The following IL21R variants were observed in gnomAD, a reference collection of about 807,000 sequenced individuals.
The protein encoded by IL21R is interleukin 21 receptor, also known as interleukin-21 receptor.
A neutral mutation model predicts 41.3 loss-of-function variants in IL21R; 14 were observed. The ratio of observed to expected loss-of-function variants is 0.34; its 90% CI spans 0.22 to 0.53. IL21R has a LOEUF of 0.53. Ranked by LOEUF, IL21R falls within the 20% of genes least tolerant of loss-of-function variation. The pLI, the probability that IL21R is intolerant of heterozygous loss-of-function variation, is 0.94. For synonymous variants in IL21R, 286 were observed against 287.6 expected (o/e 0.99, Z 0.05); for missense variants, 588 against 681.6 (o/e 0.86, Z 1.53).
intron 2 of IL21R, among the ~76,000 whole-genome samples, 163 bp from the exon 3 acceptor site, chr16:27,434,184 C>CG (rs397813355): frequency 6.6e-6 from 1 of 152,028 alleles, no homozygotes; most frequent in African/African-American, 2.4e-5. Context: ...GTGAGGCCCC[C>CG]TGGGTGCCAG....
At chr16:27,406,586 A>G (rs569968017) in intron 1 of IL21R, among the ~76,000 whole-genome samples, 17 of 152,152 alleles carry the variant, frequency 1.1e-4, no homozygotes, top group African/African-American at 3.9e-4. Context: ...TGGGGAGGAG[A>G]AGGCCCTTCC....
intron 1 of IL21R, among the ~76,000 whole-genome samples, chr16:27,414,103 G>C (rs1423511896): frequency 1.3e-5 from 2 of 151,052 alleles, no homozygotes; most frequent in Admixed American, 1.3e-4. Context: ...TTTTGTTTTT[G>C]CCCTGACCTC....
chr16:27,430,726 G>C (rs2087156289), intron 2 of IL21R, among the ~76,000 whole-genome samples: 2 of 152,120 alleles, frequency 1.3e-5, no homozygotes. Flanking sequence ...GAGGCGGGAG[G>C]ATTGCTTGAG....
At chr16:27,430,005 G>T in intron 1 of IL21R, 51 bp from the exon 2 acceptor site, 1 of 1,504,410 alleles carries the variant, frequency 6.6e-7, no homozygotes. Flanking sequence ...GGGGGAGGCC[G>T]GGGGAGCCCT....
At chr16:27,410,794 C>T (rs2086811519) in intron 1 of IL21R, among the ~76,000 whole-genome samples, 2 of 152,294 alleles carry the variant, frequency 1.3e-5, no homozygotes, top group South Asian at 4.1e-4. Flanking sequence ...ATGGGTGAAA[C>T]TCTATACCCA....
chr16:27,437,696 C>G lies in IL21R; in HGVS notation c.352+9C>G, dbSNP rs748757913. ...TCTCCTGGCTGAGAGCAGTGAGTAT[C>G]CTGGGACCCCAGGCTTAGGGTGGCA... is the stretch of plus-strand genomic sequence containing the variant. On this transcript the variant is annotated intron_variant, in intron 4 of 8. Transcript: ENST00000337929. 1.2e-6 allele frequency: 2 copies of G among 1,612,014 alleles called. No homozygotes were observed. Among genetic ancestry groups the G allele is most frequent in the South Asian group, 1.1e-5 (1 of 90,942 alleles).
At chr16:27,411,309 A>G (rs1400354726) in intron 1 of IL21R, among the ~76,000 whole-genome samples, 1 of 152,006 alleles carries the variant, frequency 6.6e-6, no homozygotes, top group Non-Finnish European at 1.5e-5. Flanking sequence ...TTTTTATAAT[A>G]ACCATCCTAA....
intron 1 of IL21R, among the ~76,000 whole-genome samples, chr16:27,412,759 T>A (rs1448549855): frequency 1.3e-5 from 2 of 152,168 alleles, no homozygotes; most frequent in Non-Finnish European, 2.9e-5. Flanking sequence ...ATTTTTTGCT[T>A]AAGTTTCTTT....
intron 1 of IL21R, among the ~76,000 whole-genome samples, chr16:27,410,860 C>T (rs2086812612): frequency 1.3e-5 from 2 of 152,194 alleles, no homozygotes; most frequent in African/African-American, 4.8e-5. Context: ...CAGCATTCCA[C>T]TTTCTGTTTC....
chr16:27,437,495 C>G lies in IL21R; in HGVS notation c.160C>G (p.Gln54Glu). The stretch of plus-strand genomic sequence containing the variant: ...GCTGCTTTGTCCTTGAAGGCAAGAC[C>G]AGTATGAAGAGCTGAAGGACGAGGC... ...PSTLTLTWQD[Q>E]YEELKDEATS... The change falls in exon 4 of 9, where the codon CAG becomes GAG. Residue 54 changes from glutamine (Q) to glutamate (E), a missense_variant. Gln to Glu is a conservative substitution (Grantham distance 29). Transcript: ENST00000337929. 6.2e-7 allele frequency: 1 copy of G among 1,613,552 alleles called. No individual in the cohort carries two copies. Among genetic ancestry groups the G allele is most frequent in the Non-Finnish European group, 8.5e-7 (1 of 1,179,966 alleles).
intron 1 of IL21R, among the ~76,000 whole-genome samples, chr16:27,412,885 T>C (rs1163545112): frequency 6.6e-6 from 1 of 152,138 alleles, no homozygotes; most frequent in Non-Finnish European, 1.5e-5. Flanking sequence ...ATATTTAGGG[T>C]TTCCTACATA....
At chr16:27,409,633 C>T (rs1224656269) in intron 1 of IL21R, among the ~76,000 whole-genome samples, 1 of 152,188 alleles carries the variant, frequency 6.6e-6, no homozygotes, top group African/African-American at 2.4e-5. Context: ...TTTCTCTCCA[C>T]TGCCTTGCAC....
intron 4 of IL21R, among the ~76,000 whole-genome samples, chr16:27,441,877 C>T (rs1256741026): frequency 1.3e-5 from 2 of 151,972 alleles, no homozygotes; most frequent in East Asian, 1.9e-4. Context: ...CAAGTGTGGT[C>T]GCATCCACCT....
At chr16:27,425,515 A>G (rs1156458262) in intron 1 of IL21R, among the ~76,000 whole-genome samples, 1 of 151,902 alleles carries the variant, frequency 6.6e-6, no homozygotes, top group Non-Finnish European at 1.5e-5. Flanking sequence ...ATTTGGTGCT[A>G]TCGCATCTTA....
chr16:27,438,849 G>A (rs558483435), intron 4 of IL21R, among the ~76,000 whole-genome samples: 2 of 152,206 alleles, frequency 1.3e-5, no homozygotes, highest in Admixed American at 1.3e-4. Flanking sequence ...CAGCCTGGGC[G>A]TCAGAGTGAG....
At chr16:27,444,950 C>T (rs2087452266) in intron 6 of IL21R, among the ~76,000 whole-genome samples, 1 of 152,200 alleles carries the variant, frequency 6.6e-6, no homozygotes, top group African/African-American at 2.4e-5. Context: ...GGAATCAGCC[C>T]TGTTTTTCAG....
chr16:27,418,514 G>T (rs988776982), intron 1 of IL21R, among the ~76,000 whole-genome samples: 3 of 152,044 alleles, frequency 2.0e-5, no homozygotes, highest in African/African-American at 7.2e-5. Flanking sequence ...GACTACAGGT[G>T]CGCGCCACCA....
chr16:27,431,838 T>C (rs1014753487), intron 2 of IL21R, among the ~76,000 whole-genome samples: 1 of 152,164 alleles, frequency 6.6e-6, no homozygotes, highest in Non-Finnish European at 1.5e-5. Context: ...GAGTTGGGGT[T>C]TCACCATGTT....
intron 6 of IL21R, 125 bp from the exon 7 acceptor site, chr16:27,445,052 C>A: frequency 1.4e-6 from 1 of 690,616 alleles, no homozygotes; most frequent in Non-Finnish European, 2.6e-6. Context: ...CACTTCAAGA[C>A]ACTAGCAGTA....
Sources: allele counts gnomAD v4.1 joint callset (sites outside exome capture counted in the v4.1 genomes callset), GRCh38; gene constraint gnomAD v4.1.1; transcripts MANE v1.5; gene names NCBI Gene and HGNC (gene_info 2026-07-23, HGNC 2026-07-21).